The following UNC5D variants were observed in gnomAD, a reference collection of about 807,000 sequenced individuals.
UNC5D encodes the protein netrin receptor UNC5D.
Under a neutral mutation model 105.4 loss-of-function variants are expected in UNC5D, and 39 were observed. The observed-to-expected ratio is 0.37, with a 90% CI of 0.29 to 0.48. The LOEUF (loss-of-function observed/expected upper bound fraction) is 0.48, where lower values mean the gene tolerates loss of function less well. Ranked by LOEUF, UNC5D falls within the 20% of genes least tolerant of loss-of-function variation. The probability of loss-of-function intolerance (pLI) is 0.98; values close to 1 mark genes in which losing one functional copy is unlikely to be tolerated. For synonymous variants in UNC5D, 452 were observed against 450.4 expected (o/e 1.00, Z -0.04); for missense variants, 991 against 1,202.4 (o/e 0.82, Z 2.60).
At chr8:35,432,682 C>G (rs1350866831) in intron 1 of UNC5D, among the ~76,000 whole-genome samples, 1 of 152,116 alleles carries the variant, frequency 6.6e-6, no homozygotes, top group Non-Finnish European at 1.5e-5. Flanking sequence ...AAACGGGTCC[C>G]TCATCAGTTA....
chr8:35,327,264 TTA>T (rs1195803477), intron 1 of UNC5D, among the ~76,000 whole-genome samples: 2 of 152,252 alleles, frequency 1.3e-5, no homozygotes, highest in Admixed American at 6.5e-5. Context: ...ACTATGTAAA[TTA>T]TATCAGTTAA....
chr8:35,383,708 G>A (rs981391511), intron 1 of UNC5D, among the ~76,000 whole-genome samples: 2 of 152,182 alleles, frequency 1.3e-5, no homozygotes, highest in Non-Finnish European at 2.9e-5. Context: ...AGTTTCCAGT[G>A]TATGACCTTG....
intron 11 of UNC5D, among the ~76,000 whole-genome samples, chr8:35,732,017 ACAC>A (rs1829220765): frequency 1.3e-5 from 2 of 152,196 alleles, no homozygotes; most frequent in Admixed American, 1.3e-4. Flanking sequence ...GTCTTCCTCC[ACAC>A]AAGATAAACC....
intron 1 of UNC5D, among the ~76,000 whole-genome samples, chr8:35,276,297 CT>C (rs1247657714): frequency 6.6e-6 from 1 of 152,112 alleles, no homozygotes; most frequent in Admixed American, 6.5e-5. Context: ...TTTCTCCCCC[CT>C]AACATCAGAA....
rs537965201 is a variant in UNC5D at position 35,604,235 on chromosome 8, T to C, written c.570+8578T>C. Among the ~76,000 whole-genome samples the C allele has an allele frequency of 1.8e-3, 268 of 152,256 alleles. 1 individual carries two copies. The highest frequency in any genetic ancestry group is 6.0e-3 in the African/African-American group (251 of 41,546). On this transcript the variant is annotated intron_variant, in intron 4 of 16. Transcript: ENST00000404895. ...CATTCAGGAGCTCTTTTAGGGCAGG[T>C]CTGGTGGTGACAAAATCTCTCAGCA...
chr8:35,249,192 G>A (rs374075012), intron 1 of UNC5D, among the ~76,000 whole-genome samples: 3 of 142,064 alleles, frequency 2.1e-5, no homozygotes, highest in South Asian at 2.2e-4. Flanking sequence ...TTCCATGTTG[G>A]CAGTAATATG....
At chr8:35,767,131 T>G in intron 15 of UNC5D, 65 bp downstream of exon 15, 2 of 1,501,476 alleles carry the variant, frequency 1.3e-6, no homozygotes, top group South Asian at 1.3e-5. Flanking sequence ...AATAAAGCTA[T>G]ACCTACCAGC....
At chr8:35,268,903 A>C (rs544092386) in intron 1 of UNC5D, among the ~76,000 whole-genome samples, 1 of 152,322 alleles carries the variant, frequency 6.6e-6, no homozygotes, top group East Asian at 1.9e-4. Flanking sequence ...TTGGGGATCC[A>C]ATAAAAATTA....
At chr8:35,718,544 T>A (rs16884297) in intron 8 of UNC5D, among the ~76,000 whole-genome samples, 8,668 of 152,220 alleles carry the variant, frequency 0.057, 665 homozygotes, top group African/African-American at 0.17. Context: ...TTGGCAAGTT[T>A]CCCTGGGAAG....
At chr8:35,677,468 A>AT (rs1206650148) in intron 4 of UNC5D, among the ~76,000 whole-genome samples, 54 of 151,504 alleles carry the variant, frequency 3.6e-4, no homozygotes, top group African/African-American at 8.7e-4. Context: ...GGTGTAGAGA[A>AT]TTTTTTTTTC....
intron 1 of UNC5D, among the ~76,000 whole-genome samples, chr8:35,536,309 G>A (rs1273789485): frequency 6.6e-6 from 1 of 152,088 alleles, no homozygotes; most frequent in African/African-American, 2.4e-5. Context: ...CATCCGAGCA[G>A]GCTCAACTCA....
chr8:35,776,822 T>C (rs1802268540), intron 16 of UNC5D, among the ~76,000 whole-genome samples: 1 of 152,206 alleles, frequency 6.6e-6, no homozygotes, highest in African/African-American at 2.4e-5. Context: ...ACTTCTATCC[T>C]TAAATCTTAT....
intron 1 of UNC5D, among the ~76,000 whole-genome samples, chr8:35,350,836 C>T (rs1013175117): frequency 6.6e-6 from 1 of 152,006 alleles, no homozygotes; most frequent in Non-Finnish European, 1.5e-5. Context: ...TCTGTGCACT[C>T]TCTTCTTTCA....
chr8:35,385,268 T>C lies in UNC5D; in HGVS notation c.103+149381T>C, dbSNP rs1239681675. On this transcript the variant is annotated intron_variant, in intron 1 of 16. Coordinates refer to ENST00000404895, the MANE Select transcript of UNC5D (RefSeq NM_080872.4). ...CACTTCTTAATGATGTGAGTGATAA[T>C]GTATTGATCTTCCCTAGGGCTGAAT... 6.6e-5 allele frequency among the ~76,000 whole-genome samples: 10 copies of C among 152,268 alleles called. No homozygotes were observed. The East Asian group carries it at 1.9e-3, about 29-fold the overall frequency.
At chr8:35,569,050 T>TAA (rs34277362) in intron 3 of UNC5D, among the ~76,000 whole-genome samples, 3 of 118,852 alleles carry the variant, frequency 2.5e-5, no homozygotes, top group South Asian at 2.7e-4. Context: ...CAAGTAGGAC[T>TAA]AAAAAAAAAA....
In UNC5D at chr8:35,635,649, T is replaced by A. The variant is rs1054021861; in HGVS notation, c.570+39992T>A. Among the ~76,000 whole-genome samples, 10 of 152,292 alleles carry A rather than the reference T, an allele frequency of 6.6e-5. No individual in the cohort carries two copies. In the East Asian group the frequency reaches 1.9e-3, roughly 29 times the overall value. ...CATAAATAGCACATGCTGCATGTAG[T>A]AAAGGGTTCTTCTGTGTGGCATTTA... On this transcript the variant is annotated intron_variant, in intron 4 of 16. Transcript: ENST00000404895.
intron 15 of UNC5D, among the ~76,000 whole-genome samples, chr8:35,768,486 C>T (rs182865802): frequency 2.8e-4 from 43 of 152,176 alleles, no homozygotes; most frequent in African/African-American, 1.0e-3. Context: ...CCAAGAAGAG[C>T]TGGTATTCAG....
intron 1 of UNC5D, among the ~76,000 whole-genome samples, chr8:35,309,225 T>C (rs1190330848): frequency 6.6e-6 from 1 of 152,086 alleles, no homozygotes; most frequent in East Asian, 1.9e-4. Context: ...GAAACTGAAG[T>C]GTGACTCAGA....
At chr8:35,718,384 G>C (rs1319932259) in intron 8 of UNC5D, among the ~76,000 whole-genome samples, 1 of 152,214 alleles carries the variant, frequency 6.6e-6, no homozygotes, top group Admixed American at 6.5e-5. Context: ...TGAGAGACCG[G>C]ATAGGTATAA....
Sources: allele counts gnomAD v4.1 joint callset (sites outside exome capture counted in the v4.1 genomes callset), GRCh38; gene constraint gnomAD v4.1.1; transcripts MANE v1.5; gene names NCBI Gene and HGNC (gene_info 2026-07-23, HGNC 2026-07-21).